The following PEX5 variants were observed in gnomAD, a reference collection of about 807,000 sequenced individuals.
The protein encoded by PEX5 is peroxisomal biogenesis factor 5.
Under a neutral mutation model 82.9 loss-of-function variants are expected in PEX5, and 52 were observed. The ratio of observed to expected loss-of-function variants is 0.63; its 90% confidence interval spans 0.50 to 0.79. The LOEUF (loss-of-function observed/expected upper bound fraction) is 0.79. Ranked by LOEUF, PEX5 falls within the 30% of genes least tolerant of loss-of-function variation. The probability of loss-of-function intolerance (pLI) is 0.00; values close to 1 mark genes in which losing one functional copy is unlikely to be tolerated. For synonymous variants in PEX5, 300 were observed against 318.8 expected (o/e 0.94, Z 0.63); for missense variants, 719 against 815.2 (o/e 0.88, Z 1.44).
At chr12:7,214,162 T>C (rs1251991982), downstream of PEX5, among the ~76,000 whole-genome samples, 5 of 152,184 alleles carry the variant, frequency 3.3e-5, no homozygotes, top group Non-Finnish European at 7.3e-5. Context: ...GAAGTCAGTG[T>C]GGTGATTCCT....
rs376699778 is a variant in PEX5 at position 7,208,006 on chromosome 12, C to T, written c.1111-4C>T. ...GGTGATGGAATCTGTCAACTTCCCT[C>T]TAGGCTTGGCAGTATCTGGGTACCA... On this transcript the variant is annotated splice_region_variant and splice_polypyrimidine_tract_variant and intron_variant, in intron 11 of 15. Transcript: ENST00000675855. 1.2e-6 allele frequency: 2 copies of T among 1,612,684 alleles called. No individual in the cohort carries two copies. Among genetic ancestry groups the T allele is most frequent in the Non-Finnish European group, 1.7e-6 (2 of 1,178,822 alleles).
chr12:7,189,902 G>A, intron 1 of PEX5, 152 bp downstream of exon 1: 1 of 1,422,068 alleles, frequency 7.0e-7, no homozygotes, highest in Non-Finnish European at 9.1e-7. Flanking sequence ...GGCCGAGCCG[G>A]GGGAAGGGCT....
rs368416639 is a variant in PEX5 at position 7,218,014 on chromosome 12, C to T, written c.*20-388C>T. 3.4e-4 allele frequency among the ~76,000 whole-genome samples: 51 copies of T among 152,222 alleles called. No homozygotes were observed. The East Asian group carries it at 8.7e-3, about 26-fold the overall frequency. ...CAGGGAGGGGAGTTAGTTAGTCTAA[C>T]TAATATCAGTTAGACGTTATTTTAC... On this transcript the variant is annotated intron_variant, in intron 17 of 17. Transcript: ENST00000455147.
chr12:7,191,491 C>T (rs183221336), intron 4 of PEX5, 78 bp from the exon 5 acceptor site: 3 of 1,596,676 alleles, frequency 1.9e-6, no homozygotes, highest in African/African-American at 1.3e-5. Flanking sequence ...AGTGTTTTCA[C>T]GTGGATTCAG....
intron 1 of PEX5, chr12:7,190,103 C>A (rs1441301836): frequency 8.1e-6 from 12 of 1,489,486 alleles, no homozygotes; most frequent in Middle Eastern, 2.1e-4. Context: ...CTGCTGGCCC[C>A]CAGCCCATGG....
At chr12:7,212,482 A>AAC (rs1565730804), downstream of PEX5, among the ~76,000 whole-genome samples, 1 of 57,958 alleles carries the variant, frequency 1.7e-5, no homozygotes, top group African/African-American at 5.1e-5. Context: ...AAAAAAAAAA[A>AAC]AAAAAACCCA....
At chr12:7,202,765 G>C (rs1370309689) in intron 9 of PEX5, 61 bp downstream of exon 9, 2 of 1,103,838 alleles carry the variant, frequency 1.8e-6, no homozygotes, top group East Asian at 4.7e-5. Flanking sequence ...GAGTGAGTGG[G>C]TGTATGAACA....
At chr12:7,206,447 C>T (rs1162400077) in intron 10 of PEX5, among the ~76,000 whole-genome samples, 3 of 152,216 alleles carry the variant, frequency 2.0e-5, no homozygotes, top group South Asian at 2.1e-4. Flanking sequence ...TCTGGCCCTT[C>T]GCAGAAAAAG....
chr12:7,211,917 A>AGAT (rs1045956545), downstream of PEX5, among the ~76,000 whole-genome samples: 3 of 151,810 alleles, frequency 2.0e-5, no homozygotes, highest in East Asian at 1.9e-4. Flanking sequence ...TTATACTTGG[A>AGAT]GATAGATGTT....
rs1307947559 is a variant in PEX5, at chr12:7,211,087, T to G, written c.*864T>G. On this transcript the variant is annotated 3_prime_UTR_variant, in exon 16 of 16. Transcript: ENST00000675855. ...CTGTGAATGGGAATTGAGCCAACTG[T>G]TATAGAAAATTGGTTCAGAAAGTGC... The G allele has an allele frequency of 1.3e-5, 2 of 152,804 alleles. No individual in the cohort carries two copies. Among genetic ancestry groups the G allele is most frequent in the Non-Finnish European group, 2.9e-5 (2 of 68,156 alleles). The allele number at this position is 152,804 out of a possible 1,614,324, so 9.5% of individuals were successfully genotyped here.
chr12:7,205,400 C>A (rs763700184), intron 10 of PEX5, among the ~76,000 whole-genome samples: 1 of 152,290 alleles, frequency 6.6e-6, no homozygotes, highest in South Asian at 2.1e-4. Flanking sequence ...ATTCATGGAT[C>A]TCTTTGAATG....
Position 7,211,115 on chromosome 12 carries a change from T to G in PEX5, c.*892T>G, listed in dbSNP as rs1591813943. 2 of 152,842 alleles carry G rather than the reference T, an allele frequency of 1.3e-5. No individual in the cohort carries two copies. Among genetic ancestry groups the G allele is most frequent in the South Asian group, 2.1e-4 (1 of 4,826 alleles). The allele number at this position is 152,842 out of a possible 1,614,324, so 9.5% of individuals were successfully genotyped here. Reference sequence around the variant, plus strand: ...TAGAAAATTGGTTCAGAAAGTGCAATCTTGCCAGATTTCTAGCAAATAGGT... The same window carrying G: ...TAGAAAATTGGTTCAGAAAGTGCAAGCTTGCCAGATTTCTAGCAAATAGGT... On this transcript the variant is annotated 3_prime_UTR_variant, in exon 16 of 16. Transcript: ENST00000675855.
At chr12:7,197,484 TAATA>T (rs1384402274) in intron 5 of PEX5, among the ~76,000 whole-genome samples, 1 of 139,808 alleles carries the variant, frequency 7.2e-6, no homozygotes, top group Non-Finnish European at 1.5e-5. Context: ...ATATATAATA[TAATA>T]ATTATATATG....
At chr12:7,198,583 G>T (rs978544089) in intron 5 of PEX5, among the ~76,000 whole-genome samples, 8 of 152,098 alleles carry the variant, frequency 5.3e-5, no homozygotes, top group African/African-American at 1.7e-4. Context: ...TCTGGGTAGA[G>T]GGAGAACAGA....
rs2136271004 is a variant in PEX5, at chr12:7,210,451, T to C, written c.*228T>C. On this transcript the variant is annotated 3_prime_UTR_variant, in exon 16 of 16. Coordinates refer to ENST00000675855, the MANE Select transcript of PEX5 (RefSeq NM_001351132.2). Reference sequence around the variant, plus strand: ...GAGTCCCTTGGTAATTCAAGGGCTGTACATCCAGCTACAGATCTCTCTGCT... The same window carrying C: ...GAGTCCCTTGGTAATTCAAGGGCTGCACATCCAGCTACAGATCTCTCTGCT... 2 of 606,540 alleles carry C rather than the reference T, an allele frequency of 3.3e-6. No individual in the cohort carries two copies. Among genetic ancestry groups the C allele is most frequent in the Non-Finnish European group, 5.9e-6 (2 of 336,728 alleles). The allele number at this position is 606,540 out of a possible 1,614,324, so 37.6% of individuals were successfully genotyped here. A position where few individuals can be genotyped will look rare whatever the true frequency, so the allele number is the denominator to read the frequency against.
chr12:7,196,249 TTTAA>T (rs1318312591), intron 5 of PEX5, among the ~76,000 whole-genome samples: 3 of 68,100 alleles, frequency 4.4e-5, no homozygotes, highest in East Asian at 4.3e-4. Flanking sequence ...ATATGTCATA[TTTAA>T]TTATATATGT....
intron 5 of PEX5, among the ~76,000 whole-genome samples, chr12:7,197,325 TACA>T (rs1942805004): frequency 7.8e-6 from 1 of 128,920 alleles, no homozygotes; most frequent in Non-Finnish European, 1.6e-5. Flanking sequence ...ATATGTCATA[TACA>T]ATGTAATAAT....
At chr12:7,213,739 A>G (rs1317944612), downstream of PEX5, among the ~76,000 whole-genome samples, 7 of 150,392 alleles carry the variant, frequency 4.7e-5, no homozygotes, top group Non-Finnish European at 3.0e-5. Context: ...ATCTAATTAA[A>G]CTAAAGAGCT....
Position 7,211,242 on chromosome 12 carries a change from C to G in PEX5, c.*1019C>G, listed in dbSNP as rs1197988997. The G allele has an allele frequency of 6.6e-6, 1 of 152,526 alleles. No homozygotes were observed. The highest frequency in any genetic ancestry group is 2.4e-5 in the African/African-American group (1 of 41,348). The allele number at this position is 152,526 out of a possible 1,614,324, so 9.4% of individuals were successfully genotyped here. On this transcript the variant is annotated 3_prime_UTR_variant, in exon 16 of 16. Transcript: ENST00000675855. ...TCTAGATCGAAGGAAGATGAGGGAG[C>G]AGCTTGGATTCTTCTCAGTTGTCCC...
Sources: gnomAD v4.1 joint callset for allele counts (sites outside exome capture counted in the v4.1 genomes callset) on GRCh38, gnomAD v4.1.1 for gene constraint, MANE v1.5 for transcripts, NCBI Gene and HGNC (gene_info 2026-07-23, HGNC 2026-07-21) for gene names.